Variants in CADM1 observed in about 807,000 individuals in gnomAD.
The protein encoded by CADM1 is TSLC-1.
In CADM1, 15 loss-of-function variants were observed where a neutral mutation model predicts 53.1. The observed-to-expected ratio is 0.28, with a 90% CI of 0.19 to 0.44. The LOEUF is 0.44. Ranked by LOEUF, CADM1 falls within the 20% of genes least tolerant of loss-of-function variation. The pLI is 1.00. For missense variants in CADM1, 434 were observed against 611.3 expected (o/e 0.71, Z 3.06); for synonymous variants, 281 against 243.0 (o/e 1.16, Z -1.45).
At chr11:115,363,293 AC>A (rs553362552) in intron 1 of CADM1, among the ~76,000 whole-genome samples, 567 of 152,254 alleles carry the variant, frequency 3.7e-3, no homozygotes, top group Non-Finnish European at 5.6e-3. Flanking sequence ...CGTTTTTCTG[AC>A]AGTTGGCTGC....
chr11:115,486,149 T>A (rs951482928), intron 1 of CADM1, among the ~76,000 whole-genome samples: 1 of 152,184 alleles, frequency 6.6e-6, no homozygotes, highest in Non-Finnish European at 1.5e-5. Flanking sequence ...CAAGTTTTTG[T>A]TGTCTTGCTT....
intron 1 of CADM1, among the ~76,000 whole-genome samples, chr11:115,271,817 A>G (rs1404474772): frequency 2.0e-5 from 3 of 152,174 alleles, no homozygotes; most frequent in African/African-American, 7.2e-5. Context: ...TAAACACTAC[A>G]TGTGCTTGTT....
chr11:115,502,713 T>C (rs1236973431), intron 1 of CADM1, among the ~76,000 whole-genome samples: 1 of 152,096 alleles, frequency 6.6e-6, no homozygotes, highest in East Asian at 1.9e-4. Flanking sequence ...TTTGCAAGCC[T>C]ATTTTGGGGG....
At chr11:115,284,284 A>AACAAAAAT (rs1175660592) in intron 1 of CADM1, among the ~76,000 whole-genome samples, 1 of 152,020 alleles carries the variant, frequency 6.6e-6, no homozygotes, top group Non-Finnish European at 1.5e-5. Flanking sequence ...CATTATTACT[A>AACAAAAAT]ACAAAAATAG....
chr11:115,447,939 T>C (rs1325679713), intron 1 of CADM1, among the ~76,000 whole-genome samples: 2 of 152,192 alleles, frequency 1.3e-5, no homozygotes, highest in Non-Finnish European at 2.9e-5. Context: ...GGGTAATGGT[T>C]GCTCATTAGA....
Position 115,185,379 on chromosome 11 carries a change from CTG to C in CADM1, c.1165+5507_1165+5508del, listed in dbSNP as rs1337804852. ...TTTTCATTTATACAGAATTGACAAA[CTG>C]TGTAACTAATGGCTTAGCTGTCCTT... On this transcript the variant is annotated intron_variant, in intron 10 of 11. Coordinates refer to ENST00000331581, the MANE Select transcript of CADM1 (RefSeq NM_001301043.2). Among the ~76,000 whole-genome samples the C allele has an allele frequency of 5.3e-5, 8 of 152,344 alleles. No individual in the cohort carries two copies. The East Asian group carries it at 1.5e-3, about 29-fold the overall frequency.
At chr11:115,221,354 C>T (rs1941398492) in intron 5 of CADM1, among the ~76,000 whole-genome samples, 1 of 152,162 alleles carries the variant, frequency 6.6e-6, no homozygotes, top group African/African-American at 2.4e-5. Flanking sequence ...TTTAGCAAGA[C>T]TGCTATAGCA....
intron 1 of CADM1, among the ~76,000 whole-genome samples, chr11:115,302,695 A>G (rs2135139751): frequency 6.6e-6 from 1 of 152,166 alleles, no homozygotes; most frequent in South Asian, 2.1e-4. Context: ...TCATTAGCAA[A>G]CCTGATAGAA....
chr11:115,485,250 T>C (rs1949348459), intron 1 of CADM1, among the ~76,000 whole-genome samples: 1 of 152,220 alleles, frequency 6.6e-6, no homozygotes, highest in Admixed American at 6.5e-5. Flanking sequence ...ACAGGCTGTT[T>C]ATCTTGTTAC....
chr11:115,425,296 A>G (rs1402710814), intron 1 of CADM1, among the ~76,000 whole-genome samples: 3 of 152,234 alleles, frequency 2.0e-5, no homozygotes, highest in Admixed American at 6.5e-5. Context: ...TTTCCTAACC[A>G]AAGTATTGCC....
At position 115,482,543 on chromosome 11, in the gene CADM1, C is replaced by G. The variant is rs550422592; in HGVS notation, c.124+21728G>C. 3.9e-5 allele frequency among the ~76,000 whole-genome samples: 6 copies of G among 152,294 alleles called. No homozygotes were observed. In the East Asian group the frequency reaches 1.2e-3, roughly 29 times the overall value. ...TTAAACAGTACTTCCTGAAGCTTCT[C>G]TATATTCACTGTAGCCCAGAGCCTT... On this transcript the variant is annotated intron_variant, in intron 1 of 11. Coordinates refer to ENST00000331581, the MANE Select transcript of CADM1 (RefSeq NM_001301043.2).
chr11:115,476,052 A>G (rs1477819781), intron 1 of CADM1, among the ~76,000 whole-genome samples: 1 of 152,248 alleles, frequency 6.6e-6, no homozygotes, highest in Admixed American at 6.5e-5. Context: ...TAACTTGCTC[A>G]TAGTAAGCAC....
intron 7 of CADM1, among the ~76,000 whole-genome samples, chr11:115,213,734 T>TCA (rs907124207): frequency 6.6e-6 from 1 of 152,086 alleles, no homozygotes; most frequent in East Asian, 1.9e-4. Flanking sequence ...AATACCCCCT[T>TCA]CACACACACA....
intron 1 of CADM1, among the ~76,000 whole-genome samples, chr11:115,497,729 G>T (rs1949650142): frequency 6.6e-6 from 1 of 152,124 alleles, no homozygotes; most frequent in African/African-American, 2.4e-5. Flanking sequence ...TCCAAACTAA[G>T]GCTTTTTATT....
intron 6 of CADM1, among the ~76,000 whole-genome samples, chr11:115,217,380 T>C (rs1270692434): frequency 6.6e-6 from 1 of 152,210 alleles, no homozygotes; most frequent in African/African-American, 2.4e-5. Flanking sequence ...GAGCTTTTCC[T>C]TACTAACAAA....
chr11:115,284,140 G>C (rs1591670675), intron 1 of CADM1, among the ~76,000 whole-genome samples: 3 of 126,528 alleles, frequency 2.4e-5, no homozygotes, highest in East Asian at 3.2e-4. Flanking sequence ...GTGTGTGTGT[G>C]TGTGTGTGTG....
At position 115,330,637 on chromosome 11, in the gene CADM1, C is replaced by G. The variant is rs1322505653; in HGVS notation, c.125-90217G>C. On this transcript the variant is annotated intron_variant, in intron 1 of 11. Transcript: ENST00000331581. ...GGGATTCAGTGAGAAGGAATATACT[C>G]CCACCCTCATCTCTTCCTTCCCCAC... 3.3e-5 allele frequency among the ~76,000 whole-genome samples: 5 copies of G among 152,070 alleles called. No individual in the cohort carries two copies. The South Asian group carries it at 1.0e-3, about 32-fold the overall frequency.
intron 1 of CADM1, among the ~76,000 whole-genome samples, chr11:115,313,685 G>C (rs938979958): frequency 6.6e-6 from 1 of 152,140 alleles, no homozygotes; most frequent in African/African-American, 2.4e-5. Context: ...TCCCTGAAGC[G>C]GGGTCAGCCA....
intron 1 of CADM1, among the ~76,000 whole-genome samples, chr11:115,480,326 A>G (rs886370073): frequency 3.3e-5 from 5 of 152,212 alleles, no homozygotes; most frequent in African/African-American, 9.6e-5. Context: ...GGGATTTACT[A>G]ATAATCCTTA....
Sources: gnomAD v4.1 joint callset for allele counts (sites outside exome capture counted in the v4.1 genomes callset) on GRCh38, gnomAD v4.1.1 for gene constraint, MANE v1.5 for transcripts, NCBI Gene and HGNC (gene_info 2026-07-23, HGNC 2026-07-21) for gene names.